Variants in CARMIL1 observed in about 807,000 individuals in gnomAD.
CARMIL1 encodes the protein F-actin-uncapping protein LRRC16A.
Under a neutral mutation model 177.1 loss-of-function variants are expected in CARMIL1, and 90 were observed. That is an observed-to-expected ratio of 0.51 (90% CI 0.43 to 0.61). The LOEUF is 0.61. CARMIL1 is among the 20% of genes least tolerant of loss of function. CARMIL1 has a pLI of 0.00. For synonymous variants in CARMIL1, 577 were observed against 606.2 expected, an observed-to-expected ratio of 0.95 and a Z score of 0.71; for missense variants, 1,380 against 1,667.0, an observed-to-expected ratio of 0.83 and a Z score of 3.00.
rs370575787 is a variant in CARMIL1 at position 25,581,268 on chromosome 6, G to T, written c.2835G>T (p.Ala945=). Residue 945 remains alanine, a synonymous_variant, in exon 31 of 37, where the codon GCG becomes GCT. Coordinates refer to ENST00000329474, the MANE Select transcript of CARMIL1 (RefSeq NM_017640.6). ...AAATGGAGTTTGATCTAGATAAAGC[G>T]CTGGAAGAGGTACCAATTCACATCG... The part of the protein sequence containing the change: ...AFEMEFDLDK[A]LEEVPIHIED... The T allele has an allele frequency of 6.2e-7, 1 of 1,613,750 alleles. No homozygotes were observed. Among genetic ancestry groups the T allele is most frequent in the South Asian group, 1.1e-5 (1 of 91,038 alleles).
At chr6:25,388,953 G>C (rs1040277276) in intron 2 of CARMIL1, among the ~76,000 whole-genome samples, 1 of 152,136 alleles carries the variant, frequency 6.6e-6, no homozygotes, top group African/African-American at 2.4e-5. Context: ...AAAGTGCTGA[G>C]ATTACAGACA....
At chr6:25,546,603 T>G (rs1809498536) in intron 26 of CARMIL1, among the ~76,000 whole-genome samples, 1 of 147,890 alleles carries the variant, frequency 6.8e-6, no homozygotes, top group Admixed American at 6.9e-5. Context: ...GGGAGTGAGC[T>G]ATGATTGCAC....
intron 2 of CARMIL1, among the ~76,000 whole-genome samples, chr6:25,419,358 C>T (rs1394710153): frequency 6.6e-6 from 1 of 152,144 alleles, no homozygotes; most frequent in African/African-American, 2.4e-5. Context: ...ACTCATGAGG[C>T]CTGTCCAAAT....
At chr6:25,371,199 T>C (rs560602113) in intron 2 of CARMIL1, among the ~76,000 whole-genome samples, 1 of 152,380 alleles carries the variant, frequency 6.6e-6, no homozygotes, top group Admixed American at 6.5e-5. Flanking sequence ...ATCTTTGCAA[T>C]TGTGAATGGT....
intron 26 of CARMIL1, among the ~76,000 whole-genome samples, chr6:25,548,616 T>C (rs1420773301): frequency 1.3e-5 from 2 of 152,110 alleles, no homozygotes; most frequent in Non-Finnish European, 2.9e-5. Flanking sequence ...AAGGAGAGGC[T>C]GCAGTCCTCT....
chr6:25,407,956 C>T (rs1265547063), intron 2 of CARMIL1, among the ~76,000 whole-genome samples: 1 of 152,122 alleles, frequency 6.6e-6, no homozygotes, highest in African/African-American at 2.4e-5. Flanking sequence ...TCAGATTCTG[C>T]ATTTCTAACA....
intron 35 of CARMIL1, among the ~76,000 whole-genome samples, chr6:25,606,785 T>A (rs73395796): frequency 0.016 from 2,438 of 152,304 alleles, 43 homozygotes; most frequent in African/African-American, 0.048. Context: ...ACAGCCATAC[T>A]ATTTTTGCGT....
chr6:25,503,370 A>G (rs72839025), intron 17 of CARMIL1, among the ~76,000 whole-genome samples: 33,156 of 152,092 alleles, frequency 0.22, 3,898 homozygotes, highest in African/African-American at 0.28. Context: ...ACTATGTTAT[A>G]GTGTTTTATC....
chr6:25,410,525 G>A (rs566201817), intron 2 of CARMIL1, among the ~76,000 whole-genome samples: 2 of 152,290 alleles, frequency 1.3e-5, no homozygotes, highest in Admixed American at 6.5e-5. Flanking sequence ...GCCAGTGCTC[G>A]TTGTCACTAG....
At chr6:25,371,932 G>T (rs1291112782) in intron 2 of CARMIL1, among the ~76,000 whole-genome samples, 2 of 152,142 alleles carry the variant, frequency 1.3e-5, no homozygotes, top group African/African-American at 4.8e-5. Flanking sequence ...TTTGTATATG[G>T]TGAGAGATAG....
chr6:25,467,950 G>A (rs962093944), intron 9 of CARMIL1, among the ~76,000 whole-genome samples: 5 of 152,150 alleles, frequency 3.3e-5, no homozygotes, highest in African/African-American at 9.7e-5. Flanking sequence ...CAGTCTCAGA[G>A]CACTGTCTAA....
chr6:25,470,371 GGT>G (rs1315752766), intron 9 of CARMIL1, among the ~76,000 whole-genome samples: 2 of 152,140 alleles, frequency 1.3e-5, no homozygotes, highest in Non-Finnish European at 2.9e-5. Context: ...CCTGGCACAT[GGT>G]GAGAACTCTG....
At chr6:25,587,238 TTC>T (rs1321723503) in intron 31 of CARMIL1, among the ~76,000 whole-genome samples, 4 of 152,174 alleles carry the variant, frequency 2.6e-5, no homozygotes, top group African/African-American at 4.8e-5. Context: ...GCTAGAATGT[TTC>T]TTTCTTTTTT....
At chr6:25,535,670 A>G (rs903044289) in intron 24 of CARMIL1, among the ~76,000 whole-genome samples, 19 of 152,346 alleles carry the variant, frequency 1.2e-4, no homozygotes, top group Non-Finnish European at 2.2e-4. Context: ...AAGAGATTAT[A>G]GCCTTTCAGA....
chr6:25,439,986 C>G (rs907083376), intron 5 of CARMIL1, among the ~76,000 whole-genome samples: 2 of 152,160 alleles, frequency 1.3e-5, no homozygotes, highest in African/African-American at 4.8e-5. Flanking sequence ...CAAAACATAC[C>G]TGTCTTTCCT....
intron 2 of CARMIL1, among the ~76,000 whole-genome samples, chr6:25,294,417 A>T (rs1258221061): frequency 6.6e-6 from 1 of 152,000 alleles, no homozygotes; most frequent in East Asian, 1.9e-4. Flanking sequence ...GGGCTGGAGG[A>T]CTCTTGGCAG....
chr6:25,372,091 T>C (rs568392815), intron 2 of CARMIL1, among the ~76,000 whole-genome samples: 1 of 152,340 alleles, frequency 6.6e-6, no homozygotes, highest in African/African-American at 2.4e-5. Context: ...CTGTGTTCTC[T>C]GTTCTGTTAC....
rs70977217 is a variant in CARMIL1, at chr6:25,529,755, C to CAAAA, written c.2067+889_2067+892dup. On this transcript the variant is annotated intron_variant, in intron 24 of 36. Transcript: ENST00000329474. The stretch of plus-strand genomic sequence containing the variant: ...GGGCGACAGAGCGAGACTCCGTCTC[C>CAAAA]AAAAAAAAAAAAAAAAAAAAAAAAA... Among the ~76,000 whole-genome samples the CAAAA allele has an allele frequency of 1.2e-3, 40 of 33,538 alleles. 3 individuals are homozygous for CAAAA. Among genetic ancestry groups the CAAAA allele is most frequent in the African/African-American group, 1.7e-3 (18 of 10,604 alleles). 22.0% of individuals were successfully genotyped at this position (33,538 alleles called of 152,430 possible).
At chr6:25,592,063 T>C (rs1814367144) in intron 31 of CARMIL1, among the ~76,000 whole-genome samples, 1 of 152,092 alleles carries the variant, frequency 6.6e-6, no homozygotes, top group Admixed American at 6.5e-5. Context: ...TGTTTGTTTG[T>C]TTCAAAATGA....
Sources: gnomAD v4.1 joint callset for allele counts (sites outside exome capture counted in the v4.1 genomes callset) on GRCh38, gnomAD v4.1.1 for gene constraint, MANE v1.5 for transcripts, NCBI Gene and HGNC (gene_info 2026-07-23, HGNC 2026-07-21) for gene names.